Variants in RAB7A observed in about 807,000 individuals in gnomAD.
RAB7A encodes the protein ras-related protein Rab-7a.
A neutral mutation model predicts 24.5 loss-of-function variants in RAB7A; 2 were observed. The observed-to-expected ratio is 0.08, with a 90% CI of 0.03 to 0.26. RAB7A has a LOEUF of 0.26. RAB7A is among the 10% of genes least tolerant of loss of function. The pLI, the probability that RAB7A is intolerant of heterozygous loss-of-function variation, is 1.00. For missense variants in RAB7A, 118 were observed against 255.7 expected, an observed-to-expected ratio of 0.46 and a Z score of 3.67; for synonymous variants, 100 against 95.9, an observed-to-expected ratio of 1.04 and a Z score of -0.25.
chr3:128,770,175 G>A (rs1320092143), intron 1 of RAB7A, among the ~76,000 whole-genome samples: 1 of 151,768 alleles, frequency 6.6e-6, no homozygotes, highest in Non-Finnish European at 1.5e-5. Flanking sequence ...GCTAATTTTT[G>A]TATTTTTAGT....
intron 1 of RAB7A, among the ~76,000 whole-genome samples, chr3:128,751,928 G>T (rs1181569056): frequency 6.6e-6 from 1 of 152,156 alleles, no homozygotes; most frequent in Non-Finnish European, 1.5e-5. Context: ...GTTACAAAAA[G>T]GGGAGCTTCC....
chr3:128,798,834 A>G, intron 3 of RAB7A: 1 of 258,820 alleles, frequency 3.9e-6, no homozygotes, highest in Non-Finnish European at 7.3e-6. Flanking sequence ...AAAAAAAAAA[A>G]AAAAAAAAAA....
At chr3:128,795,212 T>TA in intron 1 of RAB7A, 148 bp from the exon 2 acceptor site, 1 of 731,294 alleles carries the variant, frequency 1.4e-6, no homozygotes. Context: ...TACTGTTTTT[T>TA]ATCAGTGCCC....
At chr3:128,749,771 T>C (rs1318285789) in intron 1 of RAB7A, among the ~76,000 whole-genome samples, 2 of 152,234 alleles carry the variant, frequency 1.3e-5, no homozygotes, top group Non-Finnish European at 2.9e-5. Context: ...CCTTGCCTTC[T>C]GCCGTGATTG....
At chr3:128,802,601 C>T (rs988982361) in intron 3 of RAB7A, among the ~76,000 whole-genome samples, 2 of 144,258 alleles carry the variant, frequency 1.4e-5, no homozygotes, top group East Asian at 2.0e-4. Context: ...ACCTCCGCCT[C>T]CTGGGTTCAA....
intron 1 of RAB7A, among the ~76,000 whole-genome samples, chr3:128,757,960 A>G (rs540509721): frequency 2.0e-5 from 3 of 151,416 alleles, no homozygotes; most frequent in African/African-American, 7.3e-5. Flanking sequence ...CGCCCAGCCT[A>G]TTTTATTTTT....
At chr3:128,773,923 A>G (rs1456357720) in intron 1 of RAB7A, among the ~76,000 whole-genome samples, 1 of 151,636 alleles carries the variant, frequency 6.6e-6, no homozygotes, top group Non-Finnish European at 1.5e-5. Context: ...AATCTCAAGT[A>G]CCCAGGGACA....
At chr3:128,737,072 C>T (rs1022342670) in intron 1 of RAB7A, among the ~76,000 whole-genome samples, 3 of 152,116 alleles carry the variant, frequency 2.0e-5, no homozygotes, top group Non-Finnish European at 4.4e-5. Flanking sequence ...AAGTCTCCCT[C>T]TGTCACCCAG....
At chr3:128,760,196 G>A (rs2070766663) in intron 1 of RAB7A, among the ~76,000 whole-genome samples, 1 of 152,158 alleles carries the variant, frequency 6.6e-6, no homozygotes, top group Admixed American at 6.5e-5. Context: ...AGGCTGAGCA[G>A]GAAAGTCTTC....
intron 3 of RAB7A, among the ~76,000 whole-genome samples, chr3:128,805,177 G>T (rs1452311403): frequency 1.3e-5 from 2 of 152,162 alleles, no homozygotes; most frequent in African/African-American, 4.8e-5. Context: ...TGACAGAGAT[G>T]CATACATATT....
At chr3:128,793,243 G>A (rs1258483171) in intron 1 of RAB7A, among the ~76,000 whole-genome samples, 8 of 152,056 alleles carry the variant, frequency 5.3e-5, no homozygotes, top group Admixed American at 1.3e-4. Flanking sequence ...GGCTGGTCTC[G>A]ATCTCCTGAT....
chr3:128,809,910 T>TGAGG (rs1207084318), intron 5 of RAB7A, among the ~76,000 whole-genome samples: 2 of 148,474 alleles, frequency 1.3e-5, no homozygotes, highest in Admixed American at 6.8e-5. Context: ...GACTGCCTGA[T>TGAGG]GAGGCAAGTT....
chr3:128,738,232 C>A (rs2107584748), intron 1 of RAB7A, among the ~76,000 whole-genome samples: 1 of 152,008 alleles, frequency 6.6e-6, no homozygotes, highest in Admixed American at 6.6e-5. Flanking sequence ...GGGTCTTGGC[C>A]ATATTGCCCA....
intron 1 of RAB7A, among the ~76,000 whole-genome samples, chr3:128,772,473 T>C (rs1020386861): frequency 4.6e-5 from 7 of 152,156 alleles, no homozygotes; most frequent in African/African-American, 1.7e-4. Flanking sequence ...TTGATGGGGA[T>C]AGGGGGTTGT....
At chr3:128,727,805 C>G (rs991765840) in intron 1 of RAB7A, among the ~76,000 whole-genome samples, 1 of 152,164 alleles carries the variant, frequency 6.6e-6, no homozygotes, top group African/African-American at 2.4e-5. Context: ...TGAATAAAGT[C>G]TCCTCTTAGT....
chr3:128,758,336 T>C (rs1360133869), intron 1 of RAB7A, among the ~76,000 whole-genome samples: 1 of 149,730 alleles, frequency 6.7e-6, no homozygotes, highest in African/African-American at 2.5e-5. Flanking sequence ...GCAGTGGCGC[T>C]ATCTCGGCTC....
chr3:128,763,375 T>A (rs1467677601), intron 1 of RAB7A, among the ~76,000 whole-genome samples: 2 of 151,434 alleles, frequency 1.3e-5, no homozygotes, highest in Non-Finnish European at 3.0e-5. Context: ...CCACCACGCC[T>A]GGCTAATTTT....
At chr3:128,750,301 G>T (rs767608268) in intron 1 of RAB7A, among the ~76,000 whole-genome samples, 3 of 152,168 alleles carry the variant, frequency 2.0e-5, no homozygotes, top group Non-Finnish European at 4.4e-5. Context: ...CACTGTTGTT[G>T]CCCAGGCTGG....
At chr3:128,738,322 A>G (rs1199324633) in intron 1 of RAB7A, among the ~76,000 whole-genome samples, 2 of 151,908 alleles carry the variant, frequency 1.3e-5, no homozygotes, top group East Asian at 1.9e-4. Context: ...GTGAGCCACT[A>G]CTCGTCAAGA....
Sources: gnomAD v4.1 joint callset for allele counts (sites outside exome capture counted in the v4.1 genomes callset) on GRCh38, gnomAD v4.1.1 for gene constraint, MANE v1.5 for transcripts, NCBI Gene and HGNC (gene_info 2026-07-23, HGNC 2026-07-21) for gene names.